Variants in RBFOX1 observed in about 807,000 individuals in gnomAD.
The protein encoded by RBFOX1 is RNA binding fox-1 homolog 1, also known as RNA binding protein fox-1 homolog 1.
In RBFOX1, 8 loss-of-function variants were observed where a neutral mutation model predicts 57.7. The observed-to-expected ratio is 0.14, with a 90% CI of 0.08 to 0.25. RBFOX1 has a LOEUF of 0.25. Among genes scored for constraint, RBFOX1 ranks in the 10% least tolerant of loss-of-function variants. The probability of loss-of-function intolerance (pLI) is 1.00; values close to 1 mark genes in which losing one functional copy is unlikely to be tolerated. For missense variants in RBFOX1, 611 were observed against 548.5 expected (o/e 1.11, Z -1.14); for synonymous variants, 326 against 222.4 (o/e 1.47, Z -4.15).
intron 4 of RBFOX1, among the ~76,000 whole-genome samples, chr16:7,465,465 C>G (rs559289669): frequency 5.9e-5 from 9 of 152,364 alleles, no homozygotes; most frequent in African/African-American, 1.9e-4. Context: ...ACCGTCATCT[C>G]TACTTTCCTA....
intron 4 of RBFOX1, among the ~76,000 whole-genome samples, chr16:7,307,112 C>G (rs1235184076): frequency 6.6e-6 from 1 of 152,164 alleles, no homozygotes; most frequent in Non-Finnish European, 1.5e-5. Context: ...ATTGAGATCA[C>G]CAATTACATA....
intron 2 of RBFOX1, among the ~76,000 whole-genome samples, chr16:6,388,680 C>T (rs1244364021): frequency 6.6e-6 from 1 of 152,054 alleles, no homozygotes. Context: ...TTTGAGGCTG[C>T]AGGGAGCTAT....
At chr16:6,018,156 G>C (rs373533725), upstream of RBFOX1, among the ~76,000 whole-genome samples, 34 of 151,316 alleles carry the variant, frequency 2.2e-4, no homozygotes, top group African/African-American at 8.0e-4. Flanking sequence ...GGAAAAAAGA[G>C]GAAGGGAGAA....
At chr16:6,262,635 G>A (rs2097708332) in intron 1 of RBFOX1, among the ~76,000 whole-genome samples, 1 of 152,094 alleles carries the variant, frequency 6.6e-6, no homozygotes, top group Admixed American at 6.6e-5. Flanking sequence ...CATTCGGCCT[G>A]GATTATGTTA....
chr16:7,255,701 T>C (rs1414279362), intron 4 of RBFOX1, among the ~76,000 whole-genome samples: 1 of 152,222 alleles, frequency 6.6e-6, no homozygotes, highest in East Asian at 1.9e-4. Context: ...AAAAAATAAA[T>C]GCATGAAATG....
intron 4 of RBFOX1, among the ~76,000 whole-genome samples, chr16:7,366,519 A>G (rs2097451880): frequency 6.6e-6 from 1 of 152,144 alleles, no homozygotes; most frequent in Non-Finnish European, 1.5e-5. Context: ...ACAGCCTGAG[A>G]TGATTTCTGT....
chr16:5,461,043 TGGGGTGGG>T (rs2151594304), intron 1 of RBFOX1, among the ~76,000 whole-genome samples: 1 of 152,176 alleles, frequency 6.6e-6, no homozygotes, highest in South Asian at 2.1e-4. Flanking sequence ...TTTTCTCTAC[TGGGGTGGG>T]GGTCCCGTCA....
At chr16:7,162,554 A>G (rs1366436316) in intron 4 of RBFOX1, among the ~76,000 whole-genome samples, 1 of 145,342 alleles carries the variant, frequency 6.9e-6, no homozygotes, top group East Asian at 2.1e-4. Flanking sequence ...ACATGGTGAA[A>G]CCCTGTCTCT....
intron 14 of RBFOX1, among the ~76,000 whole-genome samples, chr16:7,706,340 C>G (rs1340228947): frequency 6.6e-6 from 1 of 152,204 alleles, no homozygotes; most frequent in Non-Finnish European, 1.5e-5. Context: ...CAGCTCATTT[C>G]TGAGGAGTAG....
intron 3 of RBFOX1, among the ~76,000 whole-genome samples, chr16:5,647,833 G>C (rs1449230896): frequency 6.6e-6 from 1 of 152,098 alleles, no homozygotes; most frequent in Non-Finnish European, 1.5e-5. Context: ...CAGGAAGATT[G>C]GCACCTTGTA....
chr16:6,675,495 G>C (rs969421628), intron 3 of RBFOX1, among the ~76,000 whole-genome samples: 1 of 152,108 alleles, frequency 6.6e-6, no homozygotes, highest in African/African-American at 2.4e-5. Flanking sequence ...GCTTGGTCAG[G>C]CTTGCATCCT....
chr16:6,785,615 C>T (rs1185631466), intron 3 of RBFOX1, among the ~76,000 whole-genome samples: 1 of 152,152 alleles, frequency 6.6e-6, no homozygotes, highest in African/African-American at 2.4e-5. Context: ...CCTTTGTTTT[C>T]AACTGCACAA....
Position 7,080,346 on chromosome 16 carries a change from C to G in RBFOX1, c.27+28248C>G, listed in dbSNP as rs74008713. Reference sequence around the variant, plus strand: ...TTCCTCCAATGCCTTGCCTATCATTCTGTACCTTCTTCGGCTTCCTAAATC... The same window carrying G: ...TTCCTCCAATGCCTTGCCTATCATTGTGTACCTTCTTCGGCTTCCTAAATC... On this transcript the variant is annotated intron_variant, in intron 4 of 15. Transcript: ENST00000550418. 1.1e-3 allele frequency among the ~76,000 whole-genome samples: 168 copies of G among 152,174 alleles called. 1 individual carries two copies. The highest frequency in any genetic ancestry group is 3.8e-3 in the African/African-American group (156 of 41,524).
intron 1 of RBFOX1, among the ~76,000 whole-genome samples, chr16:6,146,593 A>G (rs947069071): frequency 2.0e-5 from 3 of 152,190 alleles, no homozygotes; most frequent in Non-Finnish European, 4.4e-5. Flanking sequence ...TAGAGAGAGT[A>G]GGTGACTGTT....
At chr16:7,463,473 C>T (rs1191485903) in intron 4 of RBFOX1, among the ~76,000 whole-genome samples, 2 of 152,190 alleles carry the variant, frequency 1.3e-5, no homozygotes, top group East Asian at 3.9e-4. Context: ...CACTGCGTTG[C>T]AGCCTGGGCG....
In RBFOX1 at chr16:6,433,594, C is replaced by T. The variant is rs142407595; in HGVS notation, c.-64+116537C>T. 2.6e-3 allele frequency among the ~76,000 whole-genome samples: 397 copies of T among 152,270 alleles called. 1 individual carries two copies. Among genetic ancestry groups the T allele is most frequent in the African/African-American group, 8.9e-3 (368 of 41,558 alleles). On this transcript the variant is annotated intron_variant, in intron 2 of 15. Coordinates refer to ENST00000550418, the MANE Select transcript of RBFOX1 (RefSeq NM_018723.4). Reference sequence around the variant, plus strand: ...TGGCTTAAAGCAAGAACCTTATGAACGTATTATCCTCGGGTTCTAGAGATC... The same window carrying T: ...TGGCTTAAAGCAAGAACCTTATGAATGTATTATCCTCGGGTTCTAGAGATC...
intron 2 of RBFOX1, among the ~76,000 whole-genome samples, chr16:6,394,094 C>G (rs1187649939): frequency 6.6e-6 from 1 of 152,202 alleles, no homozygotes; most frequent in Non-Finnish European, 1.5e-5. Context: ...TGCATCTCCA[C>G]TGCTTCAAAC....
intron 2 of RBFOX1, among the ~76,000 whole-genome samples, chr16:6,462,164 T>C (rs2094934892): frequency 2.0e-5 from 3 of 152,200 alleles, no homozygotes; most frequent in Non-Finnish European, 4.4e-5. Context: ...TTTGGAACCG[T>C]TAACCCAACA....
intron 1 of RBFOX1, among the ~76,000 whole-genome samples, chr16:5,294,315 C>A (rs1348562428): frequency 2.0e-5 from 3 of 152,154 alleles, no homozygotes; most frequent in South Asian, 2.1e-4. Context: ...AGTAATTGAT[C>A]TGGGTTGCAG....
Sources: allele counts gnomAD v4.1 joint callset (sites outside exome capture counted in the v4.1 genomes callset), GRCh38; gene constraint gnomAD v4.1.1; transcripts MANE v1.5; gene names NCBI Gene and HGNC (gene_info 2026-07-23, HGNC 2026-07-21).